RALYL: variants seen among roughly 807,000 people sequenced by gnomAD.
The protein encoded by RALYL is RNA-binding Raly-like protein.
A neutral mutation model predicts 35.1 loss-of-function variants in RALYL; 29 were observed. That is an observed-to-expected ratio of 0.83 (90% CI 0.61 to 1.13). The LOEUF is 1.13. RALYL is among the 50% of genes most tolerant of loss of function. The pLI, the probability that RALYL is intolerant of heterozygous loss-of-function variation, is 0.00. For synonymous variants in RALYL, 120 were observed against 127.6 expected, an observed-to-expected ratio of 0.94 and a Z score of 0.40; for missense variants, 359 against 360.4, an observed-to-expected ratio of 1.00 and a Z score of 0.03.
intron 2 of RALYL, among the ~76,000 whole-genome samples, chr8:84,721,676 AT>A (rs1318888272): frequency 1.3e-5 from 2 of 151,912 alleles, no homozygotes; most frequent in Non-Finnish European, 2.9e-5. Flanking sequence ...CTCAGTGAAT[AT>A]TTTTTTTAAC....
Position 84,653,937 on chromosome 8 carries a change from TTA to T in RALYL, c.257-120640_257-120639del, listed in dbSNP as rs145972983. ...CCTTCTAACATACCTTATTTTATAC[TTA>T]TTTATTTCACTTATTCTCTGTCTGC... On this transcript the variant is annotated intron_variant, in intron 2 of 8. Coordinates refer to ENST00000521268, the MANE Select transcript of RALYL (RefSeq NM_173848.7). 3.6e-3 allele frequency among the ~76,000 whole-genome samples: 541 copies of T among 151,764 alleles called. 1 individual carries two copies. Among genetic ancestry groups the T allele is most frequent in the African/African-American group, 0.012 (509 of 41,500 alleles).
chr8:84,896,235 G>T (rs960590613), intron 8 of RALYL, among the ~76,000 whole-genome samples: 7 of 152,110 alleles, frequency 4.6e-5, no homozygotes, highest in African/African-American at 1.4e-4. Context: ...GCCACATCAG[G>T]TTCCACATTA....
chr8:84,284,433 G>C (rs1394019522), intron 1 of RALYL, among the ~76,000 whole-genome samples: 1 of 152,154 alleles, frequency 6.6e-6, no homozygotes, highest in Non-Finnish European at 1.5e-5. Context: ...TCTCATAATA[G>C]TGACATTGGT....
At chr8:84,627,823 CTTCT>C (rs1301873735) in intron 2 of RALYL, among the ~76,000 whole-genome samples, 1 of 151,990 alleles carries the variant, frequency 6.6e-6, no homozygotes, top group Non-Finnish European at 1.5e-5. Flanking sequence ...TTTCCTCTCT[CTTCT>C]TTAATGCCCA....
At chr8:84,372,129 T>C (rs907875289) in intron 1 of RALYL, among the ~76,000 whole-genome samples, 3 of 152,072 alleles carry the variant, frequency 2.0e-5, no homozygotes, top group Admixed American at 6.6e-5. Flanking sequence ...GAAAGAGGGA[T>C]AAATGTTAGA....
chr8:84,683,678 T>G (rs1836133033), intron 2 of RALYL, among the ~76,000 whole-genome samples: 1 of 151,902 alleles, frequency 6.6e-6, no homozygotes, highest in African/African-American at 2.4e-5. Flanking sequence ...TTGTTTTGTT[T>G]TTGGTTTTGG....
At chr8:84,591,231 C>A (rs983376658) in intron 2 of RALYL, among the ~76,000 whole-genome samples, 1 of 152,086 alleles carries the variant, frequency 6.6e-6, no homozygotes, top group South Asian at 2.1e-4. Context: ...AACAAGGTAA[C>A]GTAAGTCAGT....
At chr8:84,502,580 A>T (rs2056795792) in intron 1 of RALYL, among the ~76,000 whole-genome samples, 1 of 152,110 alleles carries the variant, frequency 6.6e-6, no homozygotes. Flanking sequence ...TAAAAAGATG[A>T]CTAAGAAATA....
At chr8:84,212,987 T>C (rs1320510560) in intron 1 of RALYL, among the ~76,000 whole-genome samples, 1 of 152,202 alleles carries the variant, frequency 6.6e-6, no homozygotes, top group East Asian at 1.9e-4. Context: ...CATTAGAAAT[T>C]ATTCTTTATA....
chr8:84,808,704 T>C (rs1030744146), intron 4 of RALYL, among the ~76,000 whole-genome samples: 18 of 152,188 alleles, frequency 1.2e-4, no homozygotes, highest in Admixed American at 1.0e-3. Context: ...TAGTTTTCCT[T>C]GTAGAGGTCT....
At chr8:84,385,416 A>G (rs998486099) in intron 1 of RALYL, among the ~76,000 whole-genome samples, 1 of 151,846 alleles carries the variant, frequency 6.6e-6, no homozygotes, top group East Asian at 1.9e-4. Context: ...TAGAATAGAA[A>G]TGAACCTTAA....
In RALYL at chr8:84,703,016, C is replaced by A. The variant is rs560735848; in HGVS notation, c.257-71563C>A. On this transcript the variant is annotated intron_variant, in intron 2 of 8. Coordinates refer to ENST00000521268, the MANE Select transcript of RALYL (RefSeq NM_173848.7). ...AAGAAGAGTGGGGTGCCTGGACGTG[C>A]CCTTCTCTTCAGCTTCTCTCTCTGT... Among the ~76,000 whole-genome samples the A allele has an allele frequency of 1.7e-4, 26 of 152,160 alleles. 1 individual carries two copies. The South Asian group carries it at 5.2e-3, about 30-fold the overall frequency.
chr8:84,844,001 G>C (rs1205269303), intron 4 of RALYL, among the ~76,000 whole-genome samples: 1 of 152,062 alleles, frequency 6.6e-6, no homozygotes, highest in Non-Finnish European at 1.5e-5. Context: ...GTTAAACCTA[G>C]AACCGTAAAA....
chr8:84,259,803 A>G (rs963042692), intron 1 of RALYL, among the ~76,000 whole-genome samples: 3 of 152,208 alleles, frequency 2.0e-5, no homozygotes, highest in Admixed American at 2.0e-4. Context: ...GCCTAAAAAA[A>G]GCAGTGATAA....
chr8:84,662,655 T>A (rs1831154336), intron 2 of RALYL, among the ~76,000 whole-genome samples: 1 of 152,126 alleles, frequency 6.6e-6, no homozygotes, highest in African/African-American at 2.4e-5. Context: ...ATCTCTTGAC[T>A]TTTGTATATA....
chr8:84,575,222 A>C (rs1414852358), intron 2 of RALYL, among the ~76,000 whole-genome samples: 3 of 152,196 alleles, frequency 2.0e-5, no homozygotes, highest in Non-Finnish European at 1.5e-5. Flanking sequence ...AGACCTAAAC[A>C]TGTGTGCCAA....
chr8:84,717,013 CCT>C (rs1029084683), intron 2 of RALYL, among the ~76,000 whole-genome samples: 8 of 151,900 alleles, frequency 5.3e-5, no homozygotes, highest in African/African-American at 1.9e-4. Flanking sequence ...ATGGTAAAAC[CCT>C]CTCTCTACTA....
intron 1 of RALYL, among the ~76,000 whole-genome samples, chr8:84,385,081 A>C (rs1858892387): frequency 6.6e-6 from 1 of 151,828 alleles, no homozygotes; most frequent in Non-Finnish European, 1.5e-5. Context: ...GTAAAGCAAA[A>C]GTTAATCCTT....
intron 1 of RALYL, among the ~76,000 whole-genome samples, chr8:84,209,466 T>C (rs1340934698): frequency 6.6e-6 from 1 of 152,198 alleles, no homozygotes; most frequent in East Asian, 1.9e-4. Context: ...AAAATGGGGA[T>C]GGGAACATCT....
Sources: allele counts gnomAD v4.1 joint callset (sites outside exome capture counted in the v4.1 genomes callset), GRCh38; gene constraint gnomAD v4.1.1; transcripts MANE v1.5; gene names NCBI Gene and HGNC (gene_info 2026-07-23, HGNC 2026-07-21).